PCDHA5: variants seen among roughly 807,000 people sequenced by gnomAD.
PCDHA5 encodes the protein protocadherin alpha-5.
PCDHA5 carries 43 observed loss-of-function variants against 61.6 expected under a neutral mutation model. That is an observed-to-expected ratio of 0.70 (90% CI 0.55 to 0.90). The LOEUF is 0.90. Ranked by LOEUF, PCDHA5 falls within the 40% of genes least tolerant of loss-of-function variation. The pLI is 0.00. For synonymous variants in PCDHA5, 627 were observed against 543.9 expected, an observed-to-expected ratio of 1.15 and a Z score of -2.13; for missense variants, 1,298 against 1,222.7, an observed-to-expected ratio of 1.06 and a Z score of -0.92.
At chr5:140,871,203 C>T in intron 1 of PCDHA5, 1 of 1,613,744 alleles carries the variant, frequency 6.2e-7, no homozygotes, top group East Asian at 2.2e-5. Context: ...TGTACCTGAT[C>T]ATCGCCATCT....
chr5:140,946,516 C>G (rs551838143), intron 1 of PCDHA5, among the ~76,000 whole-genome samples: 1 of 151,020 alleles, frequency 6.6e-6, no homozygotes, highest in Non-Finnish European at 1.5e-5. Context: ...AAGACCTATC[C>G]GCACTCCCAT....
At chr5:140,973,088 A>G (rs2096571573) in intron 1 of PCDHA5, among the ~76,000 whole-genome samples, 4 of 152,204 alleles carry the variant, frequency 2.6e-5, no homozygotes, top group African/African-American at 7.2e-5. Flanking sequence ...CTGGCACAAC[A>G]TGTAGAAATT....
chr5:141,009,863 A>G lies in PCDHA5; in HGVS notation c.2737A>G (p.Lys913Glu). 1 of 1,614,104 alleles carries G rather than the reference A, an allele frequency of 6.2e-7. No homozygotes were observed. Among genetic ancestry groups the G allele is most frequent in the Non-Finnish European group, 8.5e-7 (1 of 1,180,006 alleles). Residue 913 changes from lysine to glutamate, a missense_variant, in exon 4 of 4, where the codon AAA becomes GAA. Coordinates refer to ENST00000529859, the MANE Select transcript of PCDHA5 (RefSeq NM_018908.3). ...GKKEETKKKK[K>E]KKKGNKTQEK... ...AAAGGAGGAGACCAAGAAAAAGAAG[A>G]AAAAGAAGAAGGGTAACAAGACCCA...
intron 1 of PCDHA5, chr5:140,857,619 A>C (rs1554150364): frequency 6.3e-7 from 1 of 1,596,352 alleles, no homozygotes; most frequent in South Asian, 1.1e-5. Flanking sequence ...CCGCTGGACC[A>C]CGAGGAGCTG....
At chr5:140,862,753 A>C (rs2047525211) in intron 1 of PCDHA5, 1 of 577,638 alleles carries the variant, frequency 1.7e-6, no homozygotes, top group Non-Finnish European at 3.3e-6. Context: ...GCACGCGGAG[A>C]GCGGCAAGAG....
intron 1 of PCDHA5, chr5:140,829,904 G>A: frequency 6.2e-7 from 1 of 1,613,978 alleles, no homozygotes; most frequent in Admixed American, 1.7e-5. Flanking sequence ...AGGCTACAAC[G>A]CGTGGCTTTC....
chr5:140,974,043 TATG>T (rs1554235772), intron 1 of PCDHA5, among the ~76,000 whole-genome samples: 1 of 152,238 alleles, frequency 6.6e-6, no homozygotes, highest in Non-Finnish European at 1.5e-5. Flanking sequence ...AGCTTATTAA[TATG>T]ATAATATTTG....
intron 1 of PCDHA5, among the ~76,000 whole-genome samples, chr5:140,923,820 C>T (rs892649324): frequency 5.3e-4 from 80 of 152,224 alleles, no homozygotes; most frequent in African/African-American, 1.6e-3. Context: ...TGAAAATAGA[C>T]GTCAGTGGCA....
At chr5:140,849,982 A>T (rs2150461317) in intron 1 of PCDHA5, 3 of 1,597,430 alleles carry the variant, frequency 1.9e-6, no homozygotes, top group Non-Finnish European at 2.6e-6. Flanking sequence ...TCGCTGGTGG[A>T]GCGGCGGTTG....
intron 3 of PCDHA5, among the ~76,000 whole-genome samples, chr5:140,999,046 T>C (rs2097844534): frequency 6.6e-6 from 1 of 152,228 alleles, no homozygotes; most frequent in South Asian, 2.1e-4. Flanking sequence ...CAGTGTGCTT[T>C]CCACCATGCC....
intron 2 of PCDHA5, 155 bp downstream of exon 2, chr5:140,979,162 T>C: frequency 2.1e-6 from 2 of 975,444 alleles, no homozygotes; most frequent in Non-Finnish European, 2.4e-6. Context: ...TGTTTATTCC[T>C]TGAAAGATCG....
At position 140,857,548 on chromosome 5, in the gene PCDHA5, G is replaced by A. The variant is rs782667639; in HGVS notation, c.2352+33421G>A. On this transcript the variant is annotated intron_variant, in intron 1 of 3. Transcript: ENST00000529859. ...CTCTGGTGGAGCGGCGGTTGGGCGA[G>A]CGCTCGCTGTCGAGCTACGTGTCGG... The A allele has an allele frequency of 5.6e-6, 9 of 1,596,888 alleles. No individual in the cohort carries two copies. In the East Asian group the frequency reaches 1.8e-4, roughly 32 times the overall value.
intron 1 of PCDHA5, chr5:140,836,684 A>T: frequency 6.2e-7 from 1 of 1,613,514 alleles, no homozygotes; most frequent in Non-Finnish European, 8.5e-7. Context: ...CACCCAAGAC[A>T]GACCTCATGG....
chr5:140,875,422 AG>A (rs1554167622), intron 1 of PCDHA5: 1 of 1,524,010 alleles, frequency 6.6e-7, no homozygotes, highest in Non-Finnish European at 8.8e-7. Context: ...ACCTCAGGCA[AG>A]CGATCCCTTA....
chr5:140,866,951 G>A (rs1207354253), intron 1 of PCDHA5: 1 of 152,106 alleles, frequency 6.6e-6, no homozygotes, highest in African/African-American at 2.4e-5. Context: ...CTAGGGGCTG[G>A]TTGAGATGGT....
rs548122977 is a variant in PCDHA5 at position 141,010,588 on chromosome 5, T to C, written c.*651T>C. ...AGGCTTTAGGAGACCCTAAAGTCTG[T>C]TGGCTGTGACGTCATTATACCTAAA... On this transcript the variant is annotated 3_prime_UTR_variant, in exon 4 of 4. Coordinates refer to ENST00000529859, the MANE Select transcript of PCDHA5 (RefSeq NM_018908.3). 5 of 233,334 alleles carry C rather than the reference T, an allele frequency of 2.1e-5. No individual in the cohort carries two copies. In the East Asian group the frequency reaches 4.8e-4, roughly 22 times the overall value. 14.5% of individuals were successfully genotyped at this position (233,334 alleles called of 1,614,324 possible).
chr5:140,981,791 C>G (rs564396430), intron 2 of PCDHA5, among the ~76,000 whole-genome samples: 2 of 152,000 alleles, frequency 1.3e-5, no homozygotes, highest in Non-Finnish European at 2.9e-5. Flanking sequence ...GTTCTCTTTT[C>G]CCTTGAACAG....
At chr5:141,006,192 G>A (rs2098259902) in intron 3 of PCDHA5, among the ~76,000 whole-genome samples, 1 of 150,138 alleles carries the variant, frequency 6.7e-6, no homozygotes, top group African/African-American at 2.5e-5. Context: ...TTTGCTATAT[G>A]TATGTTATGC....
intron 1 of PCDHA5, among the ~76,000 whole-genome samples, chr5:140,956,034 A>C (rs1274584028): frequency 1.3e-5 from 2 of 152,200 alleles, no homozygotes; most frequent in Non-Finnish European, 2.9e-5. Flanking sequence ...TTATCAGCTT[A>C]AGAAGCTTTT....
Sources: allele counts gnomAD v4.1 joint callset (sites outside exome capture counted in the v4.1 genomes callset), GRCh38; gene constraint gnomAD v4.1.1; transcripts MANE v1.5; gene names NCBI Gene and HGNC (gene_info 2026-07-23, HGNC 2026-07-21).